DCLK2: variants seen among roughly 807,000 people sequenced by gnomAD.
DCLK2 encodes serine/threonine-protein kinase DCLK2.
DCLK2 carries 31 observed loss-of-function variants against 78.4 expected under a neutral mutation model. The observed-to-expected ratio is 0.40, with a 90% CI of 0.30 to 0.53. The LOEUF is 0.53. Among genes scored for constraint, DCLK2 ranks in the 20% least tolerant of loss-of-function variants. DCLK2 has a pLI of 0.61. For missense variants in DCLK2, 872 were observed against 973.7 expected (o/e 0.90, Z 1.39); for synonymous variants, 407 against 374.9 (o/e 1.09, Z -0.99).
Position 150,232,500 on chromosome 4 carries a change from T to C in DCLK2, c.1419+44T>C, listed in dbSNP as rs1476088182. On this transcript the variant is annotated intron_variant, in intron 9 of 15. Transcript: ENST00000296550. Reference sequence around the variant, plus strand: ...TTTCTTGGTGCCTAGTCCCACAATTTACAACATCCTTGAAGGACCTAATCA... The same window carrying C: ...TTTCTTGGTGCCTAGTCCCACAATTCACAACATCCTTGAAGGACCTAATCA... 3 of 1,604,302 alleles carry C rather than the reference T, an allele frequency of 1.9e-6. No individual in the cohort carries two copies. In the East Asian group the frequency reaches 6.7e-5, roughly 36 times the overall value.
At chr4:150,248,191 G>A in intron 13 of DCLK2, 114 bp from the exon 14 acceptor site, 2 of 806,152 alleles carry the variant, frequency 2.5e-6, no homozygotes, top group South Asian at 1.6e-5. Flanking sequence ...GAATCAGTTA[G>A]CAGCTGTGCT....
chr4:150,240,813 G>A (rs950923184), intron 12 of DCLK2, among the ~76,000 whole-genome samples: 11 of 149,696 alleles, frequency 7.3e-5, no homozygotes, highest in South Asian at 2.1e-4. Context: ...AACACCTTTC[G>A]CTTTTTAATT....
intron 2 of DCLK2, among the ~76,000 whole-genome samples, chr4:150,125,903 C>T (rs1329286683): frequency 6.6e-6 from 1 of 151,644 alleles, no homozygotes; most frequent in East Asian, 1.9e-4. Flanking sequence ...AAAAAAACCA[C>T]AAAAAACCCA....
chr4:150,100,125 C>T (rs890827577), intron 1 of DCLK2, among the ~76,000 whole-genome samples: 1 of 152,138 alleles, frequency 6.6e-6, no homozygotes, highest in Non-Finnish European at 1.5e-5. Context: ...GTTGCCCAGA[C>T]CTGTCTTGAA....
intron 8 of DCLK2, among the ~76,000 whole-genome samples, chr4:150,230,257 C>A (rs1741938917): frequency 1.3e-5 from 2 of 152,180 alleles, no homozygotes; most frequent in Admixed American, 1.3e-4. Context: ...CCCAGAAGAC[C>A]TTCTGTTGTG....
chr4:150,212,613 A>C (rs1740400348), intron 5 of DCLK2, among the ~76,000 whole-genome samples: 1 of 152,232 alleles, frequency 6.6e-6, no homozygotes, highest in Non-Finnish European at 1.5e-5. Context: ...TAACAAAATA[A>C]GTCATAATGC....
intron 5 of DCLK2, among the ~76,000 whole-genome samples, chr4:150,216,232 T>G (rs1740710047): frequency 6.6e-6 from 1 of 152,198 alleles, no homozygotes; most frequent in South Asian, 2.1e-4. Context: ...AACAGAAAAC[T>G]GGAGTGTTGC....
intron 12 of DCLK2, among the ~76,000 whole-genome samples, chr4:150,244,074 C>A (rs1031379341): frequency 6.6e-6 from 1 of 152,044 alleles, no homozygotes; most frequent in Non-Finnish European, 1.5e-5. Context: ...GCTGAGACCA[C>A]ATGTGTGCAC....
At chr4:150,242,485 T>C (rs908779574) in intron 12 of DCLK2, among the ~76,000 whole-genome samples, 2 of 152,180 alleles carry the variant, frequency 1.3e-5, no homozygotes, top group Non-Finnish European at 2.9e-5. Flanking sequence ...CCCCTGAAGT[T>C]AGGAGTGTGA....
At position 150,148,484 on chromosome 4, in the gene DCLK2, A is replaced by G. The variant is rs192279401; in HGVS notation, c.757-44654A>G. On this transcript the variant is annotated intron_variant, in intron 2 of 15. Coordinates refer to ENST00000296550, the MANE Select transcript of DCLK2 (RefSeq NM_001040260.4). Reference sequence around the variant, plus strand: ...GTGATCATAGCACATTGCAGACTCAAACCCCTGGACTGAAGCAATCCTCCT... The same window carrying G: ...GTGATCATAGCACATTGCAGACTCAGACCCCTGGACTGAAGCAATCCTCCT... Among the ~76,000 whole-genome samples the G allele has an allele frequency of 1.5e-3, 221 of 152,210 alleles. 1 individual carries two copies. Among genetic ancestry groups the G allele is most frequent in the Non-Finnish European group, 2.6e-3 (174 of 68,012 alleles).
intron 12 of DCLK2, among the ~76,000 whole-genome samples, chr4:150,241,255 C>A (rs572710002): frequency 6.6e-6 from 1 of 152,260 alleles, no homozygotes; most frequent in East Asian, 1.9e-4. Flanking sequence ...GTCTTGGTAA[C>A]CATTTGCTTC....
At position 150,169,659 on chromosome 4, in the gene DCLK2, A is replaced by AG. The variant is rs1188529974; in HGVS notation, c.757-23479_757-23478insG. Among the ~76,000 whole-genome samples, 4 of 151,404 alleles carry AG rather than the reference A, an allele frequency of 2.6e-5. No homozygotes were observed. The East Asian group carries it at 7.8e-4, about 29-fold the overall frequency. On this transcript the variant is annotated intron_variant, in intron 2 of 15. Coordinates refer to ENST00000296550, the MANE Select transcript of DCLK2 (RefSeq NM_001040260.4). ...TGACAAGAGTGAAACTCCGTCTCAA[A>AG]AAAAAAAAAAAAAAGTGTGGTTCAG...
chr4:150,224,020 G>T (rs1187761233), intron 7 of DCLK2, among the ~76,000 whole-genome samples: 1 of 151,958 alleles, frequency 6.6e-6, no homozygotes, highest in African/African-American at 2.4e-5. Context: ...TCTCCTAAGA[G>T]AACTATTTTG....
At chr4:150,203,708 T>C in intron 4 of DCLK2, 87 bp from the exon 5 acceptor site, 2 of 1,049,642 alleles carry the variant, frequency 1.9e-6, no homozygotes, top group Non-Finnish European at 2.9e-6. Flanking sequence ...ATTGGACCTA[T>C]ATTGTGCATG....
intron 5 of DCLK2, among the ~76,000 whole-genome samples, chr4:150,220,191 A>G (rs541255745): frequency 2.6e-5 from 4 of 152,214 alleles, no homozygotes; most frequent in Admixed American, 2.6e-4. Flanking sequence ...ACATTCTGCC[A>G]TAGAGTGCTG....
chr4:150,150,441 A>G (rs913880413), intron 2 of DCLK2, among the ~76,000 whole-genome samples: 1 of 152,232 alleles, frequency 6.6e-6, no homozygotes, highest in African/African-American at 2.4e-5. Flanking sequence ...GAGATATATT[A>G]AAGGCAATTA....
chr4:150,220,620 G>A, intron 5 of DCLK2, 83 bp from the exon 6 acceptor site: 1 of 1,152,804 alleles, frequency 8.7e-7, no homozygotes, highest in Non-Finnish European at 1.3e-6. Flanking sequence ...TTTACATTCT[G>A]TAAGCATTTT....
At position 150,256,152 on chromosome 4, in the gene DCLK2, C is replaced by T. The variant is rs1744543514; in HGVS notation, c.2206C>T (p.Pro736Ser). ...GATCCCTGTGCCTGGGGAAGCAGTC[C>T]CGGCCCCCACCCCTCCGGAATCTCC... is the stretch of plus-strand genomic sequence containing the variant. Reference protein sequence around the residue: ...EEIPVPGEAVPAPTPPESPTP... With the variant: ...EEIPVPGEAVSAPTPPESPTP... The change falls in exon 16 of 16, where the codon CCG (proline) becomes TCG (serine). Residue 736 changes from proline to serine, a missense_variant. Transcript: ENST00000296550. 6.3e-7 allele frequency: 1 copy of T among 1,597,624 alleles called. No homozygotes were observed. The highest frequency in any genetic ancestry group is 8.5e-7 in the Non-Finnish European group (1 of 1,173,730).
intron 2 of DCLK2, among the ~76,000 whole-genome samples, chr4:150,117,633 C>T (rs185699404): frequency 6.6e-6 from 1 of 152,172 alleles, no homozygotes; most frequent in South Asian, 2.1e-4. Flanking sequence ...TGGCTTCCCT[C>T]CATCCCCGCT....
Sources: allele counts gnomAD v4.1 joint callset (sites outside exome capture counted in the v4.1 genomes callset), GRCh38; gene constraint gnomAD v4.1.1; transcripts MANE v1.5; gene names NCBI Gene and HGNC (gene_info 2026-07-23, HGNC 2026-07-21).